Variants in THADA observed in about 807,000 individuals in gnomAD.
THADA encodes THADA armadillo repeat containing.
Under a neutral mutation model 219.8 loss-of-function variants are expected in THADA, and 213 were observed. The ratio of observed to expected loss-of-function variants is 0.97; its 90% CI spans 0.87 to 1.09. The LOEUF (loss-of-function observed/expected upper bound fraction) is 1.09. Ranked by LOEUF, THADA falls within the 50% of genes least tolerant of loss-of-function variation. THADA has a pLI of 0.00. For synonymous variants in THADA, 1,018 were observed against 828.9 expected (o/e 1.23, Z -3.92); for missense variants, 2,956 against 2,311.3 (o/e 1.28, Z -5.72).
Position 43,450,976 on chromosome 2 carries a change from T to C in THADA, c.3837-20674A>G, listed in dbSNP as rs550738630. ...GGGAATGAAGAGTTATTAAGGAGTATAGAGTTTCAGTTTTGCAAAATAAAA... is the reference window on the plus strand; with the variant it reads ...GGGAATGAAGAGTTATTAAGGAGTACAGAGTTTCAGTTTTGCAAAATAAAA... On this transcript the variant is annotated intron_variant, in intron 26 of 37. Coordinates refer to ENST00000405975, the MANE Select transcript of THADA (RefSeq NM_022065.5). Among the ~76,000 whole-genome samples, 6 of 152,272 alleles carry C rather than the reference T, an allele frequency of 3.9e-5. No homozygotes were observed. The South Asian group carries it at 8.3e-4, about 21-fold the overall frequency.
chr2:43,481,033 C>T (rs1013065660), intron 26 of THADA, among the ~76,000 whole-genome samples: 2 of 152,164 alleles, frequency 1.3e-5, no homozygotes, highest in Admixed American at 1.3e-4. Context: ...AATTCTTTCC[C>T]AAACAATAGC....
At chr2:43,267,677 C>A (rs1671675032) in intron 36 of THADA, among the ~76,000 whole-genome samples, 1 of 152,158 alleles carries the variant, frequency 6.6e-6, no homozygotes, top group Non-Finnish European at 1.5e-5. Flanking sequence ...GCAGTGGGAG[C>A]TGGCACTGCC....
chr2:43,584,037 TAAAAA>T (rs536050936), intron 7 of THADA, among the ~76,000 whole-genome samples: 5 of 65,606 alleles, frequency 7.6e-5, no homozygotes, highest in Admixed American at 3.8e-4. Context: ...TTGTCTCAAT[TAAAAA>T]AAAAAAAAAA....
intron 29 of THADA, chr2:43,370,008 A>G (rs1428596183): frequency 6.6e-6 from 1 of 152,216 alleles, no homozygotes; most frequent in Non-Finnish European, 1.5e-5. Context: ...ACATCCATTC[A>G]GTGCTTAATT....
At chr2:43,268,153 C>T (rs1298121904) in intron 36 of THADA, among the ~76,000 whole-genome samples, 1 of 152,200 alleles carries the variant, frequency 6.6e-6, no homozygotes, top group Non-Finnish European at 1.5e-5. Context: ...TTCTGACAAA[C>T]CCAATTACTG....
chr2:43,479,077 C>G (rs982455317), intron 26 of THADA, among the ~76,000 whole-genome samples: 1 of 152,094 alleles, frequency 6.6e-6, no homozygotes, highest in African/African-American at 2.4e-5. Context: ...GAATGACACT[C>G]CAGACTATAC....
chr2:43,455,323 T>C (rs1682851740), intron 26 of THADA, among the ~76,000 whole-genome samples: 1 of 152,218 alleles, frequency 6.6e-6, no homozygotes, highest in African/African-American at 2.4e-5. Context: ...CTTACTTTTT[T>C]TCCATCTGTT....
intron 30 of THADA, among the ~76,000 whole-genome samples, chr2:43,330,075 G>A (rs887235962): frequency 1.3e-5 from 2 of 152,170 alleles, no homozygotes; most frequent in African/African-American, 2.4e-5. Context: ...CAGTAGTCCA[G>A]CAGAGGCCAG....
chr2:43,289,972 T>G (rs1436406745), intron 34 of THADA, among the ~76,000 whole-genome samples: 2 of 107,142 alleles, frequency 1.9e-5, no homozygotes, highest in African/African-American at 8.4e-5. Flanking sequence ...TTTTTTTTGT[T>G]TTTGTTTTTT....
In THADA at chr2:43,548,477, C is replaced by T. The variant is rs545822423; in HGVS notation, c.3106+733G>A. Among the ~76,000 whole-genome samples the T allele has an allele frequency of 9.8e-5, 15 of 152,314 alleles. No individual in the cohort carries two copies. The East Asian group carries it at 2.9e-3, about 29-fold the overall frequency. On this transcript the variant is annotated intron_variant, in intron 20 of 37. Transcript: ENST00000405975. ...TTGTGCCCTGCCCCCAGAGGTGGAG[C>T]CTACAGAGGCAGGCAGGCCTCCTTG...
intron 19 of THADA, among the ~76,000 whole-genome samples, chr2:43,549,749 G>C (rs1423520103): frequency 6.6e-6 from 1 of 151,488 alleles, no homozygotes; most frequent in Non-Finnish European, 1.5e-5. Flanking sequence ...CTCTATGAAA[G>C]AAAAATGAAG....
chr2:43,347,469 G>C (rs1395133844), intron 29 of THADA, among the ~76,000 whole-genome samples: 1 of 152,146 alleles, frequency 6.6e-6, no homozygotes, highest in Admixed American at 6.5e-5. Flanking sequence ...GGGTATGCAA[G>C]CAGTGAAAAC....
chr2:43,337,577 C>CT (rs1666603456), intron 30 of THADA, among the ~76,000 whole-genome samples: 1 of 152,072 alleles, frequency 6.6e-6, no homozygotes, highest in Admixed American at 6.6e-5. Context: ...GGCAGATGGA[C>CT]TTTTTTAGAA....
intron 29 of THADA, among the ~76,000 whole-genome samples, chr2:43,380,376 T>A (rs556484652): frequency 1.1e-4 from 17 of 152,316 alleles, no homozygotes; most frequent in African/African-American, 4.1e-4. Context: ...GAAACATCTG[T>A]GCAACTATAC....
chr2:43,278,792 GGCAAGCA>G (rs751451409), intron 36 of THADA, among the ~76,000 whole-genome samples: 2 of 152,134 alleles, frequency 1.3e-5, no homozygotes, highest in Non-Finnish European at 2.9e-5. Flanking sequence ...GTCCTGCCTT[GGCAAGCA>G]GCCCCAGCCA....
chr2:43,575,042 G>T lies in THADA; in HGVS notation c.1038-15C>A. On this transcript the variant is annotated splice_polypyrimidine_tract_variant and intron_variant, in intron 10 of 37. Transcript: ENST00000405975. ...GCTCTTTAATCCTGAAGAAAAATGA[G>T]CCATGAGCCATTATTGTAAACTGAT... The T allele has an allele frequency of 6.4e-7, 1 of 1,571,560 alleles. No individual in the cohort carries two copies. The highest frequency in any genetic ancestry group is 1.2e-5 in the South Asian group (1 of 84,488).
chr2:43,360,988 G>C (rs962395763), intron 29 of THADA, among the ~76,000 whole-genome samples: 3 of 152,104 alleles, frequency 2.0e-5, no homozygotes, highest in African/African-American at 7.2e-5. Flanking sequence ...ATTTTTAGTT[G>C]TCACAACTGA....
chr2:43,552,731 T>G (rs1307235299), intron 17 of THADA, among the ~76,000 whole-genome samples: 1 of 152,090 alleles, frequency 6.6e-6, no homozygotes, highest in Non-Finnish European at 1.5e-5. Context: ...AAGTATACAA[T>G]AGTTTTTATT....
chr2:43,580,072 T>C (rs1574351451), intron 8 of THADA, among the ~76,000 whole-genome samples: 2 of 146,180 alleles, frequency 1.4e-5, no homozygotes, highest in East Asian at 4.0e-4. Flanking sequence ...GTTGCCAGGC[T>C]GGAGTGCAGT....
Sources: allele counts gnomAD v4.1 joint callset (sites outside exome capture counted in the v4.1 genomes callset), GRCh38; gene constraint gnomAD v4.1.1; transcripts MANE v1.5; gene names NCBI Gene and HGNC (gene_info 2026-07-23, HGNC 2026-07-21).